Variants in TNN observed in about 807,000 individuals in gnomAD.
TNN encodes the protein tenascin N.
Under a neutral mutation model 134.4 loss-of-function variants are expected in TNN, and 122 were observed. The ratio of observed to expected loss-of-function variants is 0.91; its 90% confidence interval spans 0.78 to 1.06. The LOEUF (loss-of-function observed/expected upper bound fraction) is 1.06. TNN is among the 50% of genes least tolerant of loss of function. The pLI is 0.00. For synonymous variants in TNN, 710 were observed against 670.3 expected (o/e 1.06, Z -0.91); for missense variants, 1,739 against 1,699.4 (o/e 1.02, Z -0.41).
chr1:175,141,280 G>A (rs964087057), intron 17 of TNN, among the ~76,000 whole-genome samples: 3 of 152,144 alleles, frequency 2.0e-5, no homozygotes, highest in African/African-American at 7.2e-5. Flanking sequence ...CAAACATAAA[G>A]AGCTAGGCAT....
At chr1:175,091,809 C>A (rs1229318118) in intron 6 of TNN, among the ~76,000 whole-genome samples, 1 of 152,076 alleles carries the variant, frequency 6.6e-6, no homozygotes, top group Non-Finnish European at 1.5e-5. Context: ...AGGCTAGTCT[C>A]GAACTCCTGG....
intron 9 of TNN, among the ~76,000 whole-genome samples, chr1:175,105,850 C>T (rs574880043): frequency 6.9e-6 from 1 of 145,606 alleles, no homozygotes; most frequent in South Asian, 2.3e-4. Flanking sequence ...CTCTCCCTGC[C>T]CAAGGACCTG....
At chr1:175,078,440 C>T (rs6665225) in intron 2 of TNN, among the ~76,000 whole-genome samples, 436 of 152,268 alleles carry the variant, frequency 2.9e-3, no homozygotes, top group African/African-American at 9.9e-3. Flanking sequence ...AGGTTCTCCC[C>T]CAACGCAACC....
intron 15 of TNN, among the ~76,000 whole-genome samples, chr1:175,134,544 C>CA (rs33947435): frequency 5.6e-4 from 82 of 146,894 alleles, no homozygotes; most frequent in African/African-American, 1.1e-3. Context: ...GACTCCATCT[C>CA]AAAAAACAAA....
chr1:175,107,473 C>G (rs546707025), intron 9 of TNN, among the ~76,000 whole-genome samples: 6 of 143,116 alleles, frequency 4.2e-5, no homozygotes, highest in African/African-American at 7.5e-5. Flanking sequence ...TGGAGTTGTT[C>G]GTTCCTCCCA....
In TNN at chr1:175,123,611, G is replaced by A; in HGVS notation, c.2862G>A (p.Trp954Ter). 1 of 1,614,186 alleles carries A rather than the reference G, an allele frequency of 6.2e-7. No homozygotes were observed. The highest frequency in any genetic ancestry group is 2.2e-5 in the East Asian group (1 of 44,878). The change falls in exon 12 of 19, where the codon TGG (tryptophan) becomes TGA (stop). Residue 954 changes from tryptophan (W) to a stop codon, truncating the protein, a stop_gained. Transcript: ENST00000239462. LOFTEE classifies it high-confidence loss of function. ...RPGMEYMVHVWAQKGAQESKK... is the reference protein window; with the variant it reads ...RPGMEYMVHV ...GCATGGAGTACATGGTGCACGTGTG[G>A]GCCCAGAAGGGGGCCCAGGAGAGCA... is the stretch of plus-strand genomic sequence containing the variant.
At chr1:175,098,271 G>A in intron 8 of TNN, 61 bp from the exon 9 acceptor site, 1 of 1,608,000 alleles carries the variant, frequency 6.2e-7, no homozygotes, top group Non-Finnish European at 8.5e-7. Flanking sequence ...ATGAAGATGG[G>A]GGTAAGGATA....
chr1:175,142,779 G>A (rs1003896625), intron 17 of TNN, among the ~76,000 whole-genome samples: 4 of 152,074 alleles, frequency 2.6e-5, no homozygotes, highest in African/African-American at 9.7e-5. Flanking sequence ...CACCATGCCA[G>A]GCCAATTTTT....
intron 1 of TNN, among the ~76,000 whole-genome samples, chr1:175,068,323 C>G (rs1435989734): frequency 6.6e-6 from 1 of 151,618 alleles, no homozygotes; most frequent in Non-Finnish European, 1.5e-5. Context: ...CTCTCTCTGT[C>G]TTTTTTTGGA....
intron 9 of TNN, among the ~76,000 whole-genome samples, chr1:175,109,502 T>C (rs1674965626): frequency 6.6e-6 from 1 of 152,140 alleles, no homozygotes; most frequent in Non-Finnish European, 1.5e-5. Context: ...GATCAATTTT[T>C]TTAGCTCCCA....
chr1:175,146,796 CTT>C (rs1323737337), intron 18 of TNN, 133 bp from the exon 19 acceptor site: 10 of 857,322 alleles, frequency 1.2e-5, no homozygotes, highest in Admixed American at 3.7e-5. Context: ...CACCCCGTCT[CTT>C]TCTCTCTCCT....
At position 175,097,703 on chromosome 1, in the gene TNN, C is replaced by G. The variant is rs1247074058; in HGVS notation, c.1855+20C>G. Reference sequence around the variant, plus strand: ...CGACAGGTAACAAAAGAGAGATGGTCAATTGGAATTGAGTTTTAGCTTGTG... The same window carrying G: ...CGACAGGTAACAAAAGAGAGATGGTGAATTGGAATTGAGTTTTAGCTTGTG... On this transcript the variant is annotated intron_variant, in intron 8 of 18. Coordinates refer to ENST00000239462, the MANE Select transcript of TNN (RefSeq NM_022093.2). The G allele has an allele frequency of 6.2e-7, 1 of 1,613,422 alleles. No homozygotes were observed. The highest frequency in any genetic ancestry group is 8.5e-7 in the Non-Finnish European group (1 of 1,179,778).
At chr1:175,115,321 G>A (rs531342062) in intron 9 of TNN, among the ~76,000 whole-genome samples, 84 of 144,792 alleles carry the variant, frequency 5.8e-4, no homozygotes, top group African/African-American at 2.1e-3. Context: ...GTTCCCTGGG[G>A]AGCTTCCCTG....
intron 11 of TNN, among the ~76,000 whole-genome samples, chr1:175,121,650 T>C (rs1434562745): frequency 1.3e-5 from 2 of 152,164 alleles, no homozygotes; most frequent in African/African-American, 2.4e-5. Context: ...GTAAGCATGA[T>C]GGCAAAAGGG....
intron 4 of TNN, among the ~76,000 whole-genome samples, chr1:175,082,073 T>C (rs781304323): frequency 9.9e-5 from 15 of 152,208 alleles, no homozygotes; most frequent in South Asian, 6.2e-4. Flanking sequence ...TCCTGTGAAA[T>C]GGTTTATGTT....
At position 175,098,370 on chromosome 1, in the gene TNN, A is replaced by G. The variant is rs1355056707; in HGVS notation, c.1894A>G (p.Thr632Ala). 1.2e-6 allele frequency: 2 copies of G among 1,614,196 alleles called. No individual in the cohort carries two copies. The highest frequency in any genetic ancestry group is 1.7e-6 in the Non-Finnish European group (2 of 1,180,040). The change falls in exon 9 of 19, where the codon ACA becomes GCA. Residue 632 changes from threonine to alanine, a missense_variant. Transcript: ENST00000239462. The stretch of plus-strand genomic sequence containing the variant: ...CAAAAACCTGGTGACTGACCGGGTG[A>G]CAGAGAATATGGCCACGGTCTCCTG... Reference protein sequence around the residue: ...SPKNLVTDRVTENMATVSWDP... With the variant: ...SPKNLVTDRVAENMATVSWDP...
chr1:175,087,183 A>G (rs1166551665), intron 6 of TNN, among the ~76,000 whole-genome samples: 1 of 152,222 alleles, frequency 6.6e-6, no homozygotes, highest in African/African-American at 2.4e-5. Context: ...AGAAAGAAAC[A>G]TGGAATCACA....
At chr1:175,125,573 TTC>T (rs561580472) in intron 12 of TNN, among the ~76,000 whole-genome samples, 12 of 146,242 alleles carry the variant, frequency 8.2e-5, no homozygotes, top group Non-Finnish European at 1.7e-4. Flanking sequence ...TTTTCCTTCC[TTC>T]TCTCTCTCTC....
chr1:175,097,355 G>A (rs1427396002), intron 7 of TNN, 62 bp from the exon 8 acceptor site: 1 of 1,591,862 alleles, frequency 6.3e-7, no homozygotes, highest in Non-Finnish European at 8.6e-7. Flanking sequence ...CTGTGTTCGT[G>A]CTGTCTTTAT....
Sources: allele counts gnomAD v4.1 joint callset (sites outside exome capture counted in the v4.1 genomes callset), GRCh38; gene constraint gnomAD v4.1.1; transcripts MANE v1.5; gene names NCBI Gene and HGNC (gene_info 2026-07-23, HGNC 2026-07-21).